ANKRD36: variants seen among roughly 807,000 people sequenced by gnomAD.
ANKRD36 encodes the protein ankyrin repeat domain 36.
ANKRD36 carries 179 observed loss-of-function variants against 278.1 expected under a neutral mutation model. The observed-to-expected ratio is 0.64, with a 90% CI of 0.57 to 0.73. The LOEUF (loss-of-function observed/expected upper bound fraction) is 0.73. Ranked by LOEUF, ANKRD36 falls within the 30% of genes least tolerant of loss-of-function variation. The probability of loss-of-function intolerance (pLI) is 0.00; values close to 1 mark genes in which losing one functional copy is unlikely to be tolerated. For synonymous variants in ANKRD36, 320 were observed against 641.1 expected (o/e 0.50, Z 7.57); for missense variants, 1,159 against 1,956.7 (o/e 0.59, Z 7.69).
chr2:97,167,407 C>T (rs1052565157), intron 20 of ANKRD36, among the ~76,000 whole-genome samples, 170 bp from the exon 21 acceptor site: 1 of 164 alleles, frequency 6.1e-3, no homozygotes, highest in African/African-American at 0.017. Context: ...TTCTGGGGTC[C>T]TATTTGGTCC....
At chr2:97,237,723 T>C (rs1249487992) in intron 68 of ANKRD36, among the ~76,000 whole-genome samples, 2 of 142,426 alleles carry the variant, frequency 1.4e-5, no homozygotes, top group Non-Finnish European at 3.0e-5. Flanking sequence ...TGGGAGGATG[T>C]CTTCGTTGCA....
intron 58 of ANKRD36, among the ~76,000 whole-genome samples, chr2:97,212,008 G>C (rs1232531858): frequency 6.6e-6 from 1 of 151,834 alleles, no homozygotes; most frequent in Non-Finnish European, 1.5e-5. Flanking sequence ...TCAGGGGACA[G>C]CATCATTTTG....
At chr2:97,205,902 T>G in intron 50 of ANKRD36, 38 bp from the exon 51 acceptor site, 3 of 1,524,692 alleles carry the variant, frequency 2.0e-6, no homozygotes, top group African/African-American at 1.4e-5. Flanking sequence ...TTTATCATAT[T>G]TACATATGAC....
rs976548191 is a variant in ANKRD36, at chr2:97,137,641, C to T, written c.800-4999C>T. ...ATGCCCAGTAATGGGATTACTGGCT[C>T]AAATGGTATTTCCGGTTCTAGATCC... On this transcript the variant is annotated intron_variant, in intron 6 of 75. Coordinates refer to ENST00000420699, the MANE Select transcript of ANKRD36 (RefSeq NM_001354587.1). Among the ~76,000 whole-genome samples the T allele has an allele frequency of 3.3e-5, 5 of 151,978 alleles. No homozygotes were observed. The Admixed American group carries it at 3.3e-4, about 10-fold the overall frequency.
intron 67 of ANKRD36, among the ~76,000 whole-genome samples, chr2:97,227,665 G>A (rs2070344587): frequency 6.6e-6 from 1 of 152,096 alleles, no homozygotes; most frequent in Non-Finnish European, 1.5e-5. Context: ...ACACTATGTT[G>A]AATAGGAGTG....
intron 6 of ANKRD36, among the ~76,000 whole-genome samples, chr2:97,132,443 G>T (rs1238379422): frequency 4.7e-5 from 7 of 149,444 alleles, no homozygotes; most frequent in Non-Finnish European, 8.9e-5. Context: ...AAATAGGATT[G>T]CTGCTTGTTT....
Position 97,144,399 on chromosome 2 carries a change from C to A in ANKRD36, c.902-119C>A, listed in dbSNP as rs572334502. On this transcript the variant is annotated intron_variant, in intron 8 of 75. Coordinates refer to ENST00000420699, the MANE Select transcript of ANKRD36 (RefSeq NM_001354587.1). ...CTGTCCCAATACACAAAGTAGAAAA[C>A]ATCAAAGCCTATGCTAATTCAGGCA... 60 of 1,413,770 alleles carry A rather than the reference C, an allele frequency of 4.2e-5. No individual in the cohort carries two copies. The East Asian group carries it at 1.3e-3, about 32-fold the overall frequency. The allele number at this position is 1,413,770 out of a possible 1,614,324, so 87.6% of individuals were successfully genotyped here. A position where few individuals can be genotyped will look rare whatever the true frequency, so the allele number is the denominator to read the frequency against.
At chr2:97,166,996 T>G (rs1307875536) in intron 20 of ANKRD36, among the ~76,000 whole-genome samples, 1 of 151,514 alleles carries the variant, frequency 6.6e-6, no homozygotes, top group Non-Finnish European at 1.5e-5. Context: ...AAGCCTCTGA[T>G]GTTTCAAATA....
chr2:97,122,789 A>G (rs1215837070), intron 3 of ANKRD36, 98 bp from the exon 4 acceptor site: 3 of 1,122,384 alleles, frequency 2.7e-6, no homozygotes, highest in Non-Finnish European at 3.7e-6. Flanking sequence ...TTTCAATTGT[A>G]TATATTGAAG....
intron 1 of ANKRD36, among the ~76,000 whole-genome samples, chr2:97,115,475 A>T (rs998680802): frequency 6.6e-6 from 1 of 152,156 alleles, no homozygotes; most frequent in Non-Finnish European, 1.5e-5. Context: ...CATATTAGAT[A>T]AAAAAGTGAT....
chr2:97,202,265 A>C (rs2061586577), intron 47 of ANKRD36, 35 bp downstream of exon 47: 1 of 1,606,914 alleles, frequency 6.2e-7, no homozygotes, highest in East Asian at 2.2e-5. Flanking sequence ...TGAACGAGTT[A>C]ATGTATGGTC....
At chr2:97,150,307 A>G (rs1204817356) in intron 12 of ANKRD36, among the ~76,000 whole-genome samples, 16 of 152,018 alleles carry the variant, frequency 1.1e-4, no homozygotes, top group Non-Finnish European at 1.3e-4. Flanking sequence ...ATGGCATTCT[A>G]AATTTCAAAT....
intron 28 of ANKRD36, 101 bp from the exon 29 acceptor site, chr2:97,185,215 T>C (rs933902768): frequency 1.4e-6 from 2 of 1,476,868 alleles, no homozygotes; most frequent in African/African-American, 2.8e-5. Context: ...CCTATACTAA[T>C]ACAGGCAGGA....
chr2:97,196,623 T>C lies in ANKRD36; in HGVS notation c.2580+2T>C, dbSNP rs1362241833. ...TCTCAGAAACCACCAACCTTGAAGGTAATGAAACTCCCATTTATCATGTGA... is the reference window on the plus strand; with the variant it reads ...TCTCAGAAACCACCAACCTTGAAGGCAATGAAACTCCCATTTATCATGTGA... On this transcript the variant is annotated splice_donor_variant, in intron 41 of 75. Transcript: ENST00000420699. LOFTEE classifies it high-confidence loss of function. 1.9e-6 allele frequency: 3 copies of C among 1,604,430 alleles called. No homozygotes were observed. The highest frequency in any genetic ancestry group is 1.7e-5 in the Admixed American group (1 of 59,614).
intron 23 of ANKRD36, 28 bp from the exon 24 acceptor site, chr2:97,179,833 T>G (rs1410825409): frequency 6.2e-7 from 1 of 1,602,160 alleles, no homozygotes; most frequent in South Asian, 1.1e-5. Context: ...CTTTACATAT[T>G]GATTATTTTG....
intron 44 of ANKRD36, among the ~76,000 whole-genome samples, chr2:97,199,610 A>G (rs1444134043): frequency 6.6e-6 from 1 of 151,936 alleles, no homozygotes; most frequent in Non-Finnish European, 1.5e-5. Context: ...TTTACCTTGT[A>G]GAAGTATGTC....
rs761592631 is a variant in ANKRD36 at position 97,192,962 on chromosome 2, C to T, written c.2377-19C>T. 5 of 1,584,704 alleles carry T rather than the reference C, an allele frequency of 3.2e-6. No homozygotes were observed. Among genetic ancestry groups the T allele is most frequent in the Non-Finnish European group, 4.3e-6 (5 of 1,165,762 alleles). On this transcript the variant is annotated intron_variant, in intron 37 of 75. Transcript: ENST00000420699. The stretch of plus-strand genomic sequence containing the variant: ...AACATACTTTATTAATTTATTATTT[C>T]ATTTGAAATTCCATTCAGGCTACAA...
chr2:97,138,778 G>T (rs964816954), intron 6 of ANKRD36, among the ~76,000 whole-genome samples: 3 of 151,658 alleles, frequency 2.0e-5, no homozygotes, highest in Non-Finnish European at 2.9e-5. Context: ...CAGAAATAAT[G>T]CCATACATCT....
intron 11 of ANKRD36, among the ~76,000 whole-genome samples, chr2:97,148,411 G>A (rs1372299416): frequency 2.2e-4 from 32 of 146,298 alleles, no homozygotes; most frequent in Middle Eastern, 3.5e-3. Flanking sequence ...ACAGATCCCT[G>A]CAGAAGAGGG....
Sources: allele counts gnomAD v4.1 joint callset (sites outside exome capture counted in the v4.1 genomes callset), GRCh38; gene constraint gnomAD v4.1.1; transcripts MANE v1.5; gene names NCBI Gene and HGNC (gene_info 2026-07-23, HGNC 2026-07-21).